Variants in EDA observed in about 807,000 individuals in gnomAD.
EDA encodes ectodysplasin A.
A neutral mutation model predicts 23.6 loss-of-function variants in EDA; 2 were observed. That is an observed-to-expected ratio of 0.08 (90% CI 0.03 to 0.27). EDA has a LOEUF of 0.27. Among genes scored for constraint, EDA ranks in the 10% least tolerant of loss-of-function variants. The pLI is 1.00. For synonymous variants in EDA, 131 were observed against 132.0 expected, an observed-to-expected ratio of 0.99 and a Z score of 0.05; for missense variants, 229 against 324.2, an observed-to-expected ratio of 0.71 and a Z score of 2.26.
chrX:69,830,549 C>T (rs2016583410), intron 1 of EDA, among the ~76,000 whole-genome samples: 1 of 111,286 alleles, frequency 9.0e-6, no homozygotes, highest in Non-Finnish European at 1.9e-5. Flanking sequence ...GCATAGGTGC[C>T]ACATGAGATT....
intron 2 of EDA, among the ~76,000 whole-genome samples, chrX:69,983,911 A>G (rs1346234279): frequency 9.2e-6 from 1 of 108,384 alleles, no homozygotes; most frequent in Non-Finnish European, 1.9e-5. Flanking sequence ...AGAAATTATA[A>G]CAAACTATCT....
At chrX:69,926,309 C>T (rs1397305043) in intron 1 of EDA, among the ~76,000 whole-genome samples, 1 of 111,324 alleles carries the variant, frequency 9.0e-6, no homozygotes, top group African/African-American at 3.3e-5. Flanking sequence ...TATAAATTTC[C>T]CTCTTAACAC....
chrX:69,880,668 G>A (rs1254525341), intron 1 of EDA, among the ~76,000 whole-genome samples: 1 of 112,088 alleles, frequency 8.9e-6, no homozygotes, highest in Non-Finnish European at 1.9e-5. Flanking sequence ...TGGTCTCCTG[G>A]TATACCTCAC....
chrX:69,620,847 C>A, intron 1 of EDA: 1 of 376,992 alleles, frequency 2.7e-6, no homozygotes, highest in South Asian at 2.5e-5. Flanking sequence ...TATTTTGGGA[C>A]TTTGGAGGTG....
At chrX:69,745,826 A>G (rs753137188) in intron 1 of EDA, among the ~76,000 whole-genome samples, 1 of 110,891 alleles carries the variant, frequency 9.0e-6, no homozygotes, top group Non-Finnish European at 1.9e-5. Context: ...CATCTCTACT[A>G]AAAATAGAAA....
At chrX:69,856,809 C>T (rs753917152) in intron 1 of EDA, among the ~76,000 whole-genome samples, 54 of 111,038 alleles carry the variant, frequency 4.9e-4, no homozygotes, top group African/African-American at 1.5e-3. Context: ...TTTTCTCCCA[C>T]TCTGTGGGTT....
At chrX:69,670,183 G>GTTTT (rs544601085) in intron 1 of EDA, 6,786 of 229,441 alleles carry the variant, frequency 0.03, 121 homozygotes, top group African/African-American at 0.068. Flanking sequence ...TTGGCTGACT[G>GTTTT]TTTTTTTTTT....
chrX:69,845,627 ATT>A (rs2016991503), intron 1 of EDA, among the ~76,000 whole-genome samples: 1 of 111,973 alleles, frequency 8.9e-6, no homozygotes, highest in South Asian at 3.7e-4. Context: ...AGAATCTCTG[ATT>A]TTTGATATTA....
chrX:69,689,777 A>G lies in EDA; in HGVS notation c.396+73073A>G, dbSNP rs187372460. Among the ~76,000 whole-genome samples, 316 of 111,825 alleles carry G rather than the reference A, an allele frequency of 2.8e-3. 2 individuals are homozygous for G. The highest frequency in any genetic ancestry group is 9.7e-3 in the African/African-American group (300 of 30,829). On this transcript the variant is annotated intron_variant, in intron 1 of 7. Transcript: ENST00000374552. ...TAGGGAGTATTGCCATCTTAACAATATTAAGTCCTCTAGTCTATAATGTGG... is the reference window on the plus strand; with the variant it reads ...TAGGGAGTATTGCCATCTTAACAATGTTAAGTCCTCTAGTCTATAATGTGG...
intron 1 of EDA, among the ~76,000 whole-genome samples, chrX:69,819,898 CAA>C (rs61374631): frequency 0.039 from 1,792 of 46,536 alleles, 127 homozygotes; most frequent in Admixed American, 0.26. Context: ...CATGTGGAAG[CAA>C]AAAAAAAAAA....
chrX:69,959,789 A>G (rs1437400792), intron 2 of EDA, among the ~76,000 whole-genome samples: 1 of 37,709 alleles, frequency 2.7e-5, no homozygotes, highest in African/African-American at 8.4e-5. Flanking sequence ...TAAGATGATC[A>G]AGGAAGGTAC....
chrX:70,008,457 T>A (rs2147484698), intron 2 of EDA, among the ~76,000 whole-genome samples: 1 of 112,337 alleles, frequency 8.9e-6, no homozygotes, highest in Non-Finnish European at 1.9e-5. Flanking sequence ...AATTGATTTT[T>A]GAATGGTTAA....
intron 1 of EDA, among the ~76,000 whole-genome samples, chrX:69,682,526 C>T (rs999015769): frequency 1.2e-4 from 14 of 112,216 alleles, no homozygotes; most frequent in Admixed American, 3.8e-4. Context: ...TCTCCTCGTG[C>T]GCCGTTTTTT....
intron 7 of EDA, 130 bp from the exon 8 acceptor site, chrX:70,035,228 C>T: frequency 1.3e-6 from 1 of 779,533 alleles, no homozygotes; most frequent in Admixed American, 2.7e-5. Flanking sequence ...CACGCCTTCA[C>T]ATGGCACTGC....
At chrX:69,867,018 T>C (rs1343380411) in intron 1 of EDA, among the ~76,000 whole-genome samples, 1 of 112,052 alleles carries the variant, frequency 8.9e-6, no homozygotes, top group African/African-American at 3.2e-5. Flanking sequence ...CTTTCCATAA[T>C]GGAAGAGGTC....
In EDA at chrX:69,939,950, G is replaced by C. The variant is rs150257403; in HGVS notation, c.397-17077G>C. ...CTGGGATAAATCCCACTTTGTCACA[G>C]TGAGTGATCTCTTTAATGTGTCGTT... is the stretch of plus-strand genomic sequence containing the variant. On this transcript the variant is annotated intron_variant, in intron 1 of 7. Transcript: ENST00000374552. Among the ~76,000 whole-genome samples, 394 of 112,027 alleles carry C rather than the reference G, an allele frequency of 3.5e-3. 3 individuals carry two copies. Among genetic ancestry groups the C allele is most frequent in the South Asian group, 7.8e-3 (21 of 2,696 alleles).
chrX:70,019,411 C>G (rs181593139), intron 2 of EDA, among the ~76,000 whole-genome samples: 1 of 112,060 alleles, frequency 8.9e-6, no homozygotes. Context: ...CATGGCAGCA[C>G]TCTTCACAAT....
At chrX:69,828,577 A>G (rs1225935086) in intron 1 of EDA, among the ~76,000 whole-genome samples, 2 of 111,641 alleles carry the variant, frequency 1.8e-5, no homozygotes, top group Non-Finnish European at 3.8e-5. Flanking sequence ...GGTGCACTGC[A>G]CCCACTGACC....
rs1231861142 is a variant in EDA at position 69,749,930 on chromosome X, T to C, written c.396+133226T>C. On this transcript the variant is annotated intron_variant, in intron 1 of 7. Coordinates refer to ENST00000374552, the MANE Select transcript of EDA (RefSeq NM_001399.5). The stretch of plus-strand genomic sequence containing the variant: ...TTCCTCTCACTAAGGTTCTTTTTTT[T>C]TTTTTTTTTTTTTTTTTTTGGTTGG... Among the ~76,000 whole-genome samples the C allele has an allele frequency of 1.4e-4, 14 of 100,520 alleles. 1 individual carries two copies. The highest frequency in any genetic ancestry group is 9.3e-4 in the East Asian group (3 of 3,213). 87.3% of individuals were successfully genotyped at this position (100,520 alleles called of 115,157 possible).
Sources: gnomAD v4.1 joint callset for allele counts (sites outside exome capture counted in the v4.1 genomes callset) on GRCh38, gnomAD v4.1.1 for gene constraint, MANE v1.5 for transcripts, NCBI Gene and HGNC (gene_info 2026-07-23, HGNC 2026-07-21) for gene names.